Variants in METTL15 observed in about 807,000 individuals in gnomAD.
METTL15 encodes 12S rRNA N(4)-cytidine methyltransferase METTL15.
In METTL15, 34 loss-of-function variants were observed where a neutral mutation model predicts 38.3. That is an observed-to-expected ratio of 0.89 (90% CI 0.68 to 1.18). METTL15 has a LOEUF of 1.18. Among genes scored for constraint, METTL15 ranks in the 50% most tolerant of loss-of-function variants. The pLI, the probability that METTL15 is intolerant of heterozygous loss-of-function variation, is 0.00. For missense variants in METTL15, 438 were observed against 498.4 expected (o/e 0.88, Z 1.15); for synonymous variants, 162 against 170.9 (o/e 0.95, Z 0.41).
At chr11:28,175,986 G>A (rs546863618) in intron 3 of METTL15, among the ~76,000 whole-genome samples, 1 of 151,772 alleles carries the variant, frequency 6.6e-6, no homozygotes, top group African/African-American at 2.4e-5. Flanking sequence ...TGTAAATTTT[G>A]CTGTAGGGAG....
chr11:28,293,307 C>T lies in METTL15; in HGVS notation c.599+2910C>T, dbSNP rs184826724. On this transcript the variant is annotated intron_variant, in intron 5 of 6. Coordinates refer to ENST00000407364, the MANE Select transcript of METTL15 (RefSeq NM_001113528.2). ...AGTTTTCCCAGCCCCATTTATTAAA[C>T]AGGGAATCCTTTCCCCATTTCTTGT... is the stretch of plus-strand genomic sequence containing the variant. 1.1e-3 allele frequency among the ~76,000 whole-genome samples: 170 copies of T among 152,228 alleles called. 2 individuals are homozygous for T. The highest frequency in any genetic ancestry group is 3.5e-3 in the East Asian group (18 of 5,178).
At chr11:28,315,278 T>C (rs2134034587) in intron 6 of METTL15, among the ~76,000 whole-genome samples, 1 of 152,258 alleles carries the variant, frequency 6.6e-6, no homozygotes, top group South Asian at 2.1e-4. Flanking sequence ...TGGTCTCAGT[T>C]GGAAATGAGG....
At chr11:28,321,909 A>G (rs1849484387) in intron 6 of METTL15, among the ~76,000 whole-genome samples, 1 of 152,054 alleles carries the variant, frequency 6.6e-6, no homozygotes, top group African/African-American at 2.4e-5. Context: ...CCATCTGTAT[A>G]TAGAAATGTA....
intron 3 of METTL15, among the ~76,000 whole-genome samples, chr11:28,123,015 TA>T (rs1444553162): frequency 6.6e-6 from 1 of 152,130 alleles, no homozygotes; most frequent in Non-Finnish European, 1.5e-5. Flanking sequence ...CTCTCATGTT[TA>T]AAAATCAGAC....
intron 4 of METTL15, among the ~76,000 whole-genome samples, chr11:28,241,267 C>T (rs769804881): frequency 1.2e-4 from 19 of 152,096 alleles, no homozygotes; most frequent in Non-Finnish European, 2.1e-4. Context: ...GGTGCAGTGG[C>T]TCATGACTGT....
intron 3 of METTL15, among the ~76,000 whole-genome samples, chr11:28,154,325 A>G (rs1850191707): frequency 6.6e-6 from 1 of 152,008 alleles, no homozygotes; most frequent in South Asian, 2.1e-4. Flanking sequence ...TATAATACCT[A>G]CCTTATAGGG....
At chr11:28,270,092 A>G (rs1464197301) in intron 4 of METTL15, among the ~76,000 whole-genome samples, 2 of 152,188 alleles carry the variant, frequency 1.3e-5, no homozygotes, top group African/African-American at 4.8e-5. Flanking sequence ...AATAATTATT[A>G]CTACTGTTAT....
At chr11:28,143,873 C>A (rs1231352777) in intron 3 of METTL15, among the ~76,000 whole-genome samples, 1 of 152,178 alleles carries the variant, frequency 6.6e-6, no homozygotes, top group Non-Finnish European at 1.5e-5. Flanking sequence ...ATTAGGATCT[C>A]TTTTGACATC....
At chr11:28,507,495 G>T (rs914729183) in intron 6 of METTL15, among the ~76,000 whole-genome samples, 2 of 152,034 alleles carry the variant, frequency 1.3e-5, no homozygotes, top group African/African-American at 4.8e-5. Flanking sequence ...AATCCAAACT[G>T]TATCATCACT....
rs1451402487 is a variant in METTL15 at position 28,441,967 on chromosome 11, AAAG to A, written c.*424+17607_*424+17609del. On this transcript the variant is annotated intron_variant and NMD_transcript_variant, in intron 6 of 7. Coordinates refer to the METTL15 transcript ENST00000532947. ...GTTCCAAGATGCTTTTTACACTGGA[AAAG>A]AAGTAGATTGTGCAGGTTGAGTGTA... Among the ~76,000 whole-genome samples the A allele has an allele frequency of 4.6e-5, 7 of 152,324 alleles. No homozygotes were observed. The South Asian group carries it at 1.2e-3, about 27-fold the overall frequency.
intron 3 of METTL15, among the ~76,000 whole-genome samples, chr11:28,181,365 G>C (rs767239106): frequency 2.1e-5 from 3 of 146,210 alleles, no homozygotes; most frequent in Middle Eastern, 3.8e-3. Flanking sequence ...TCATCAACCC[G>C]TCATCTACAA....
At chr11:28,267,884 A>C (rs562871806) in intron 4 of METTL15, among the ~76,000 whole-genome samples, 1 of 152,370 alleles carries the variant, frequency 6.6e-6, no homozygotes, top group Admixed American at 6.5e-5. Flanking sequence ...AAACACTTTT[A>C]TATAAATGTC....
intron 6 of METTL15, among the ~76,000 whole-genome samples, chr11:28,475,877 A>G (rs1007351663): frequency 1.3e-5 from 2 of 152,196 alleles, no homozygotes; most frequent in Admixed American, 6.5e-5. Flanking sequence ...TGGCTGAGCA[A>G]TGGCAAATTT....
chr11:28,216,639 G>A (rs912912919), intron 4 of METTL15, among the ~76,000 whole-genome samples: 1 of 151,682 alleles, frequency 6.6e-6, no homozygotes, highest in African/African-American at 2.4e-5. Context: ...GTATACATGT[G>A]CCATGTTGCT....
intron 6 of METTL15, among the ~76,000 whole-genome samples, chr11:28,522,968 C>T (rs575660376): frequency 3.9e-5 from 6 of 152,270 alleles, no homozygotes; most frequent in Non-Finnish European, 5.9e-5. Flanking sequence ...AAGAACTTTG[C>T]GAGGTTCAGA....
intron 3 of METTL15, among the ~76,000 whole-genome samples, chr11:28,114,669 ATGAACT>A (rs1453691433): frequency 6.6e-6 from 1 of 152,002 alleles, no homozygotes; most frequent in Non-Finnish European, 1.5e-5. Flanking sequence ...CAGGCTGGTC[ATGAACT>A]CCTGACCTCA....
At chr11:28,180,246 T>C (rs1020672189) in intron 3 of METTL15, among the ~76,000 whole-genome samples, 2 of 151,894 alleles carry the variant, frequency 1.3e-5, no homozygotes, top group Non-Finnish European at 2.9e-5. Flanking sequence ...CAAATTGATG[T>C]GTTTTTATAA....
chr11:28,491,821 A>G (rs1354034959), intron 6 of METTL15, among the ~76,000 whole-genome samples: 1 of 152,136 alleles, frequency 6.6e-6, no homozygotes, highest in Non-Finnish European at 1.5e-5. Flanking sequence ...TATTAGAGAA[A>G]AGTATTTACT....
chr11:28,266,206 T>C (rs1056219289), intron 4 of METTL15, among the ~76,000 whole-genome samples: 6 of 152,196 alleles, frequency 3.9e-5, no homozygotes, highest in Non-Finnish European at 8.8e-5. Flanking sequence ...ATCCCATTAC[T>C]GGATATATAC....
Sources: gnomAD v4.1 joint callset for allele counts (sites outside exome capture counted in the v4.1 genomes callset) on GRCh38, gnomAD v4.1.1 for gene constraint, MANE v1.5 for transcripts, NCBI Gene and HGNC (gene_info 2026-07-23, HGNC 2026-07-21) for gene names.